The following VPS41 variants were observed in gnomAD, a reference collection of about 807,000 sequenced individuals.
The protein encoded by VPS41 is VPS41 subunit of HOPS complex, also known as vacuolar protein sorting-associated protein 41 homolog.
Under a neutral mutation model 130.9 loss-of-function variants are expected in VPS41, and 85 were observed. The ratio of observed to expected loss-of-function variants is 0.65; its 90% CI spans 0.55 to 0.78. VPS41 has a LOEUF of 0.78. Ranked by LOEUF, VPS41 falls within the 30% of genes least tolerant of loss-of-function variation. VPS41 has a pLI of 0.00. For missense variants in VPS41, 874 were observed against 1,018.7 expected (o/e 0.86, Z 1.93); for synonymous variants, 335 against 332.9 (o/e 1.01, Z -0.07).
intron 25 of VPS41, among the ~76,000 whole-genome samples, chr7:38,729,030 G>C (rs1230460842): frequency 3.9e-5 from 6 of 152,096 alleles, no homozygotes; most frequent in African/African-American, 1.4e-4. Context: ...CCATACACGG[G>C]CTCCTGTAGC....
intron 7 of VPS41, among the ~76,000 whole-genome samples, chr7:38,814,828 T>C (rs550900933): frequency 3.9e-5 from 6 of 152,282 alleles, no homozygotes; most frequent in South Asian, 4.1e-4. Context: ...AAATTGGAAA[T>C]TGAAAATCAA....
At chr7:38,909,073 C>T in intron 1 of VPS41, 81 bp downstream of exon 1, 1 of 1,543,904 alleles carries the variant, frequency 6.5e-7, no homozygotes, top group Non-Finnish European at 9.0e-7. Context: ...CGCACCTCCA[C>T]CCACTCCACT....
At position 38,797,887 on chromosome 7, in the gene VPS41, T is replaced by C. The variant is rs530164857; in HGVS notation, c.451-1023A>G. ...AAAATAAAATCCCTAAAATTAAATA[T>C]GATGTCCATCATCACAAGTAAGCAA... On this transcript the variant is annotated intron_variant, in intron 7 of 28. Coordinates refer to ENST00000310301, the MANE Select transcript of VPS41 (RefSeq NM_014396.4). Among the ~76,000 whole-genome samples, 5 of 152,332 alleles carry C rather than the reference T, an allele frequency of 3.3e-5. No homozygotes were observed. In the South Asian group the frequency reaches 8.3e-4, roughly 25 times the overall value.
intron 7 of VPS41, 198 bp from the exon 8 acceptor site, chr7:38,797,062 T>C: frequency 3.3e-6 from 2 of 598,080 alleles, no homozygotes; most frequent in Non-Finnish European, 5.6e-6. Context: ...CAGGAAGTTG[T>C]TTAAAATGGA....
intron 7 of VPS41, among the ~76,000 whole-genome samples, chr7:38,807,030 C>G (rs754933917): frequency 1.2e-4 from 19 of 152,224 alleles, no homozygotes; most frequent in Non-Finnish European, 8.8e-5. Context: ...ACACCTCCCA[C>G]TTTGGCTAAA....
chr7:38,741,991 A>G lies in VPS41; in HGVS notation c.2253T>C (p.Asn751=). 6.2e-7 allele frequency: 1 copy of G among 1,613,078 alleles called. No homozygotes were observed. Among genetic ancestry groups the G allele is most frequent in the Non-Finnish European group, 8.5e-7 (1 of 1,179,598 alleles). ...DSLVKILQDY[N]LQILLREGCK... ...TCCAAGAAAGGATACTTACTTGCAA[A>G]TTGTAGTCTTGCAGAATTTTAACCA... Residue 751 remains asparagine, a synonymous_variant, in exon 25 of 29, where the codon AAT becomes AAC. Transcript: ENST00000310301.
intron 22 of VPS41, among the ~76,000 whole-genome samples, chr7:38,751,254 T>A (rs1398322324): frequency 1.3e-5 from 2 of 152,248 alleles, no homozygotes; most frequent in Non-Finnish European, 2.9e-5. Flanking sequence ...ATCCAGCTTC[T>A]TTGCACATAT....
At chr7:38,793,635 A>G (rs776017808) in intron 9 of VPS41, among the ~76,000 whole-genome samples, 5 of 152,192 alleles carry the variant, frequency 3.3e-5, no homozygotes, top group African/African-American at 4.8e-5. Flanking sequence ...CATCTGTTAC[A>G]GTTCCGCAGG....
At chr7:38,726,484 G>A (rs1795547341) in intron 28 of VPS41, among the ~76,000 whole-genome samples, 158 bp from the exon 29 acceptor site, 1 of 152,280 alleles carries the variant, frequency 6.6e-6, no homozygotes, top group South Asian at 2.1e-4. Flanking sequence ...ATAGGATTTA[G>A]TCTAGATCAG....
chr7:38,783,572 T>G (rs769221874), intron 10 of VPS41, among the ~76,000 whole-genome samples: 1 of 152,026 alleles, frequency 6.6e-6, no homozygotes, highest in Non-Finnish European at 1.5e-5. Context: ...ACATGCTATG[T>G]GCAAAAACAG....
At chr7:38,881,185 A>G (rs1432182085) in intron 2 of VPS41, among the ~76,000 whole-genome samples, 4 of 152,200 alleles carry the variant, frequency 2.6e-5, no homozygotes. Flanking sequence ...GGGTGTCAGT[A>G]GTGCTGCCCT....
chr7:38,830,277 C>T lies in VPS41; in HGVS notation c.298G>A (p.Gly100Ser), dbSNP rs772395493. The change falls in exon 5 of 29, where the codon GGT becomes AGT. Residue 100 changes from glycine (G) to serine (S), a missense_variant. Physicochemically the swap from Gly to Ser is moderately conservative, Grantham distance 56. Coordinates refer to ENST00000310301, the MANE Select transcript of VPS41 (RefSeq NM_014396.4). ...ACCTTGCCATCCTCTGAACACACAC[C>T]CATGTGCTCTCCACTTTCATCCAAG... The part of the protein sequence containing the change: ...ISLDESGEHM[G>S]VCSEDGKVQV... The T allele has an allele frequency of 1.5e-4, 235 of 1,613,140 alleles. No homozygotes were observed. Among genetic ancestry groups the T allele is most frequent in the Non-Finnish European group, 2.0e-4 (232 of 1,179,194 alleles).
chr7:38,788,681 G>T (rs1384697105), intron 10 of VPS41, among the ~76,000 whole-genome samples: 3 of 152,072 alleles, frequency 2.0e-5, no homozygotes, highest in Non-Finnish European at 4.4e-5. Flanking sequence ...CATAAATCTT[G>T]TCTCTTATCT....
At chr7:38,829,351 G>C (rs1174208967) in intron 5 of VPS41, among the ~76,000 whole-genome samples, 1 of 152,124 alleles carries the variant, frequency 6.6e-6, no homozygotes, top group Non-Finnish European at 1.5e-5. Flanking sequence ...CGGGTATACT[G>C]TTTTTAATTT....
chr7:38,903,634 G>A (rs556526156), intron 1 of VPS41, among the ~76,000 whole-genome samples: 4 of 152,252 alleles, frequency 2.6e-5, no homozygotes, highest in African/African-American at 9.6e-5. Context: ...CAAACTATGC[G>A]CCCTAGCTGA....
At chr7:38,736,787 G>A (rs1169697101) in intron 25 of VPS41, among the ~76,000 whole-genome samples, 2 of 152,206 alleles carry the variant, frequency 1.3e-5, no homozygotes, top group African/African-American at 2.4e-5. Context: ...CTGAAAGCAT[G>A]AGCACCAAAA....
chr7:38,818,845 T>A (rs1331499865), intron 6 of VPS41, among the ~76,000 whole-genome samples: 1 of 152,230 alleles, frequency 6.6e-6, no homozygotes, highest in Non-Finnish European at 1.5e-5. Context: ...TATTTTATAC[T>A]TGTATTAATT....
intron 11 of VPS41, chr7:38,775,338 A>G (rs1314612943): frequency 6.6e-6 from 1 of 152,162 alleles, no homozygotes; most frequent in Non-Finnish European, 1.5e-5. Flanking sequence ...CTTCTGGAAA[A>G]AGTCCATTTT....
At chr7:38,787,188 C>T (rs568096297) in intron 10 of VPS41, among the ~76,000 whole-genome samples, 2 of 152,006 alleles carry the variant, frequency 1.3e-5, no homozygotes, top group Non-Finnish European at 2.9e-5. Context: ...ACCAAGAAGT[C>T]AATCATTAAT....
Sources: gnomAD v4.1 joint callset for allele counts (sites outside exome capture counted in the v4.1 genomes callset) on GRCh38, gnomAD v4.1.1 for gene constraint, MANE v1.5 for transcripts, NCBI Gene and HGNC (gene_info 2026-07-23, HGNC 2026-07-21) for gene names.